Variants in KCNJ6 observed in about 807,000 individuals in gnomAD.
KCNJ6 encodes potassium inwardly rectifying channel subfamily J member 6.
Under a neutral mutation model 34.2 loss-of-function variants are expected in KCNJ6, and 9 were observed. That is an observed-to-expected ratio of 0.26 (90% CI 0.16 to 0.46). KCNJ6 has a LOEUF of 0.46. KCNJ6 is among the 20% of genes least tolerant of loss of function. The pLI, the probability that KCNJ6 is intolerant of heterozygous loss-of-function variation, is 1.00. For synonymous variants in KCNJ6, 196 were observed against 207.1 expected, an observed-to-expected ratio of 0.95 and a Z score of 0.46; for missense variants, 236 against 531.3, an observed-to-expected ratio of 0.44 and a Z score of 5.46.
At chr21:37,686,366 T>G (rs999160641) in intron 3 of KCNJ6, among the ~76,000 whole-genome samples, 1 of 151,538 alleles carries the variant, frequency 6.6e-6, no homozygotes, top group Admixed American at 6.6e-5. Flanking sequence ...AGCTAGTGTC[T>G]GGGAAGGAGA....
chr21:37,696,423 A>G (rs1261114367), intron 3 of KCNJ6, among the ~76,000 whole-genome samples: 1 of 152,224 alleles, frequency 6.6e-6, no homozygotes, highest in Non-Finnish European at 1.5e-5. Flanking sequence ...CCCCACAGAC[A>G]TAACCTAAAT....
At chr21:37,877,830 A>G (rs139572175) in intron 1 of KCNJ6, among the ~76,000 whole-genome samples, 1 of 152,268 alleles carries the variant, frequency 6.6e-6, no homozygotes, top group African/African-American at 2.4e-5. Context: ...ACCAGGTTTC[A>G]GAACAAAAGT....
intron 1 of KCNJ6, among the ~76,000 whole-genome samples, chr21:37,901,042 G>A (rs1317507207): frequency 6.8e-6 from 1 of 148,128 alleles, no homozygotes; most frequent in Non-Finnish European, 1.5e-5. Context: ...GCCTTTCTTT[G>A]TTCAAAAATT....
chr21:37,803,474 CAT>C (rs1285246015), intron 2 of KCNJ6, among the ~76,000 whole-genome samples: 1 of 152,194 alleles, frequency 6.6e-6, no homozygotes, highest in Admixed American at 6.5e-5. Context: ...CGGCCAGAAT[CAT>C]AATTAGAGCA....
chr21:37,781,448 T>C (rs377053959), intron 2 of KCNJ6, among the ~76,000 whole-genome samples: 3 of 152,140 alleles, frequency 2.0e-5, no homozygotes, highest in African/African-American at 7.2e-5. Flanking sequence ...TCTTCTTGTC[T>C]TAGAAACAGG....
intron 2 of KCNJ6, among the ~76,000 whole-genome samples, chr21:37,774,862 C>T (rs1364111072): frequency 6.6e-6 from 1 of 152,128 alleles, no homozygotes; most frequent in Non-Finnish European, 1.5e-5. Context: ...TGGGTATATA[C>T]CCAGTAATGG....
chr21:37,775,547 C>A (rs1383340891), intron 2 of KCNJ6, among the ~76,000 whole-genome samples: 1 of 152,194 alleles, frequency 6.6e-6, no homozygotes, highest in African/African-American at 2.4e-5. Context: ...ACGAAGGGAT[C>A]TAGTTTCAGC....
rs568871540 is a variant in KCNJ6, at chr21:37,861,341, C to T, written c.-27-20632G>A. Reference sequence around the variant, plus strand: ...CTTGGCTTGGGGATGGCGTCTTCTCCCTGTGTCCTTATAGGGTTGTCCCTC... The same window carrying T: ...CTTGGCTTGGGGATGGCGTCTTCTCTCTGTGTCCTTATAGGGTTGTCCCTC... On this transcript the variant is annotated intron_variant, in intron 1 of 3. Coordinates refer to ENST00000609713, the MANE Select transcript of KCNJ6 (RefSeq NM_002240.5). Among the ~76,000 whole-genome samples, 228 of 152,256 alleles carry T rather than the reference C, an allele frequency of 1.5e-3. 1 individual carries two copies. Among genetic ancestry groups the T allele is most frequent in the Non-Finnish European group, 2.8e-3 (191 of 68,020 alleles).
chr21:37,879,756 T>A (rs1018919363), intron 1 of KCNJ6, among the ~76,000 whole-genome samples: 15 of 118,942 alleles, frequency 1.3e-4, no homozygotes, highest in Non-Finnish European at 1.8e-4. Context: ...TGTGTGTGTG[T>A]GACAGAGAGA....
At chr21:37,824,807 C>A (rs1307460042) in intron 2 of KCNJ6, among the ~76,000 whole-genome samples, 2 of 152,046 alleles carry the variant, frequency 1.3e-5, no homozygotes, top group East Asian at 3.9e-4. Flanking sequence ...GTCAATTAAA[C>A]CTCTTTTCTT....
rs148335098 is a variant in KCNJ6, at chr21:37,904,850, CA to C, written c.-28+11033del. ...CAAAATAAAATGGTCTCATCATATT[CA>C]GGATGAACAAGTTTCCCATTCACAG... On this transcript the variant is annotated intron_variant, in intron 1 of 3. Coordinates refer to ENST00000609713, the MANE Select transcript of KCNJ6 (RefSeq NM_002240.5). Among the ~76,000 whole-genome samples the C allele has an allele frequency of 5.9e-3, 905 of 152,308 alleles. 38 individuals are homozygous for C. In the South Asian group the frequency reaches 0.088, roughly 15 times the overall value.
intron 2 of KCNJ6, among the ~76,000 whole-genome samples, chr21:37,807,551 A>G (rs2055299732): frequency 6.6e-6 from 1 of 152,112 alleles, no homozygotes; most frequent in South Asian, 2.1e-4. Context: ...TCTTTTTTCT[A>G]TGTTTAGATT....
At chr21:37,641,267 A>C (rs1232989981) in intron 3 of KCNJ6, among the ~76,000 whole-genome samples, 1 of 152,178 alleles carries the variant, frequency 6.6e-6, no homozygotes, top group Non-Finnish European at 1.5e-5. Context: ...ATAATGGCTA[A>C]ATGAGTAAAA....
intron 2 of KCNJ6, among the ~76,000 whole-genome samples, chr21:37,733,437 T>C (rs61294420): frequency 0.42 from 63,975 of 151,884 alleles, 13,824 homozygotes; most frequent in South Asian, 0.6. Context: ...GGAGGAGACA[T>C]GCACTAACTA....
chr21:37,857,435 C>T (rs2055570769), intron 1 of KCNJ6, among the ~76,000 whole-genome samples: 1 of 152,178 alleles, frequency 6.6e-6, no homozygotes, highest in Admixed American at 6.5e-5. Context: ...TGTGATACCA[C>T]AAAGGGACTG....
chr21:37,648,445 T>A (rs2123384422), intron 3 of KCNJ6, among the ~76,000 whole-genome samples: 1 of 152,338 alleles, frequency 6.6e-6, no homozygotes, highest in South Asian at 2.1e-4. Flanking sequence ...GACATCAACA[T>A]TTTAGCTGCT....
chr21:37,695,089 G>A lies in KCNJ6; in HGVS notation c.946+19122C>T, dbSNP rs1234377982. Among the ~76,000 whole-genome samples the A allele has an allele frequency of 2.0e-5, 3 of 152,220 alleles. No individual in the cohort carries two copies. Among genetic ancestry groups the A allele is most frequent in the Non-Finnish European group, 4.4e-5 (3 of 68,044 alleles). The stretch of plus-strand genomic sequence containing the variant: ...CAGCATATAACACAGCCAATTTCAG[G>A]GGTGGTGCTATGGAGAGAGTAGCCC... On this transcript the variant is annotated intron_variant, in intron 3 of 3. Coordinates refer to ENST00000609713, the MANE Select transcript of KCNJ6 (RefSeq NM_002240.5). This position sits in a 1 kb window ranked among gnomAD's most constrained non-coding sequence, Gnocchi z 4.2.
intron 2 of KCNJ6, among the ~76,000 whole-genome samples, chr21:37,745,870 G>A (rs1286030300): frequency 6.6e-6 from 1 of 152,242 alleles, no homozygotes; most frequent in African/African-American, 2.4e-5. Flanking sequence ...GGATCACGGT[G>A]TGTTCGCTGG....
chr21:37,837,224 C>T (rs1020843913), intron 2 of KCNJ6, among the ~76,000 whole-genome samples: 11 of 151,922 alleles, frequency 7.2e-5, no homozygotes, highest in African/African-American at 1.9e-4. Flanking sequence ...TTATCATGCC[C>T]GTCCTCGTTT....
Sources: gnomAD v4.1 joint callset for allele counts (sites outside exome capture counted in the v4.1 genomes callset) on GRCh38, gnomAD v4.1.1 for gene constraint, Gnocchi (gnomAD v3.1) non-coding constraint, MANE v1.5 for transcripts, NCBI Gene and HGNC (gene_info 2026-07-23, HGNC 2026-07-21) for gene names.